Variants in SCN9A observed in about 807,000 individuals in gnomAD.
SCN9A encodes sodium voltage-gated channel alpha subunit 9, also known as sodium channel protein type 9 subunit alpha.
Under a neutral mutation model 187.0 loss-of-function variants are expected in SCN9A, and 131 were observed. The ratio of observed to expected loss-of-function variants is 0.70; its 90% confidence interval spans 0.61 to 0.81. SCN9A has a LOEUF of 0.81. Among genes scored for constraint, SCN9A ranks in the 30% least tolerant of loss-of-function variants. The pLI, the probability that SCN9A is intolerant of heterozygous loss-of-function variation, is 0.00. For missense variants in SCN9A, 2,252 were observed against 2,396.6 expected (o/e 0.94, Z 1.26); for synonymous variants, 809 against 808.6 (o/e 1.00, Z -0.01).
At position 166,340,584 on chromosome 2, in the gene SCN9A, TTC is replaced by T. The variant is rs1491232895; in HGVS notation, c.-50-28780_-50-28779del. Among the ~76,000 whole-genome samples the T allele has an allele frequency of 5.8e-3, 547 of 94,132 alleles. 17 individuals carry two copies. The highest frequency in any genetic ancestry group is 0.03 in the African/African-American group (482 of 16,010). 61.8% of individuals were successfully genotyped at this position (94,132 alleles called of 152,430 possible). ...TTTCTTTCTTTCTTTCTTTCTTTCT[TTC>T]TTTCTTTCTTTCTTTCTTTTTCTTT... On this transcript the variant is annotated intron_variant, in intron 1 of 26. Coordinates refer to ENST00000642356, the MANE Select transcript of SCN9A (RefSeq NM_001365536.1).
intron 2 of SCN9A, among the ~76,000 whole-genome samples, 191 bp downstream of exon 2, chr2:166,311,308 A>G (rs7589743): frequency 0.61 from 57,794 of 94,568 alleles, 19,195 homozygotes; most frequent in African/African-American, 0.74. Context: ...AAAAATTTGA[A>G]AAAGTACAGA....
At chr2:166,275,841 A>G (rs1697212595) in intron 16 of SCN9A, among the ~76,000 whole-genome samples, 1 of 152,192 alleles carries the variant, frequency 6.6e-6, no homozygotes, top group Admixed American at 6.5e-5. Flanking sequence ...TGTCTGGCAC[A>G]GTATCATTTA....
Position 166,199,423 on chromosome 2 carries a change from T to A in SCN9A, c.5216A>T (p.Tyr1739Phe), listed in dbSNP as rs1289136487. The change falls in exon 27 of 27, where the codon TAC (tyrosine) becomes TTC (phenylalanine). Residue 1739 changes from tyrosine (Y) to phenylalanine (F), a missense_variant. Coordinates refer to ENST00000642356, the MANE Select transcript of SCN9A (RefSeq NM_001365536.1). ...DCGNPSVGIF[Y>F]FVSYIIISFL... ...GGATATGATGATATAACTAACAAAG[T>A]AGAATATTCCAACAGATGGGTTACC... The A allele has an allele frequency of 6.2e-7, 1 of 1,614,020 alleles. No homozygotes were observed. Among genetic ancestry groups the A allele is most frequent in the African/African-American group, 1.3e-5 (1 of 74,904 alleles).
intron 16 of SCN9A, among the ~76,000 whole-genome samples, chr2:166,276,144 T>G (rs1308377506): frequency 6.6e-6 from 1 of 150,834 alleles, no homozygotes; most frequent in Non-Finnish European, 1.5e-5. Flanking sequence ...TTTTCACTAA[T>G]CAGTATAAGG....
chr2:166,265,001 A>T (rs966385538), intron 17 of SCN9A, among the ~76,000 whole-genome samples: 1 of 152,006 alleles, frequency 6.6e-6, no homozygotes, highest in Non-Finnish European at 1.5e-5. Context: ...TGTATACATT[A>T]TATAATTATC....
At position 166,196,369 on chromosome 2, in the gene SCN9A, A is replaced by C. The variant is rs200833242; in HGVS notation, c.*2303T>G. ...CTTAACCATGTTATTTTAAAAAAAAACATAGTTCATGAAATAGGAAAAAGA... is the reference window on the plus strand; with the variant it reads ...CTTAACCATGTTATTTTAAAAAAAACCATAGTTCATGAAATAGGAAAAAGA... On this transcript the variant is annotated 3_prime_UTR_variant, in exon 27 of 27. Coordinates refer to ENST00000642356, the MANE Select transcript of SCN9A (RefSeq NM_001365536.1). The C allele has an allele frequency of 6.6e-5, 10 of 152,304 alleles. No homozygotes were observed. The South Asian group carries it at 2.1e-3, about 32-fold the overall frequency. The allele number at this position is 152,304 out of a possible 1,614,324, so 9.4% of individuals were successfully genotyped here. A position where few individuals can be genotyped will look rare whatever the true frequency, so the allele number is the denominator to read the frequency against.
At chr2:166,208,809 A>G (rs953661233) in intron 24 of SCN9A, among the ~76,000 whole-genome samples, 3 of 152,220 alleles carry the variant, frequency 2.0e-5, no homozygotes, top group African/African-American at 7.2e-5. Context: ...TGTGGAAAAG[A>G]TATGGGTTTT....
At chr2:166,333,910 A>G (rs1699568807) in intron 1 of SCN9A, among the ~76,000 whole-genome samples, 1 of 152,086 alleles carries the variant, frequency 6.6e-6, no homozygotes, top group South Asian at 2.1e-4. Context: ...GCCTTGGCAT[A>G]CAAGGGATAA....
intron 1 of SCN9A, among the ~76,000 whole-genome samples, chr2:166,354,947 ATTT>A (rs953860333): frequency 1.3e-5 from 2 of 149,084 alleles, no homozygotes; most frequent in African/African-American, 4.9e-5. Context: ...AAAATTACTG[ATTT>A]TTTTTTTTAA....
chr2:166,360,153 G>A (rs1002328486), intron 1 of SCN9A, among the ~76,000 whole-genome samples: 2 of 147,902 alleles, frequency 1.4e-5, no homozygotes, highest in African/African-American at 5.0e-5. Context: ...CCCGGGAGGT[G>A]GATTGTAGTG....
At chr2:166,334,121 G>A (rs1406666406) in intron 1 of SCN9A, among the ~76,000 whole-genome samples, 1 of 152,030 alleles carries the variant, frequency 6.6e-6, no homozygotes, top group Non-Finnish European at 1.5e-5. Flanking sequence ...CTTTTCTTCA[G>A]AATTAAAGTA....
chr2:166,265,684 A>AGT (rs1372460301), intron 17 of SCN9A, among the ~76,000 whole-genome samples: 3 of 152,014 alleles, frequency 2.0e-5, no homozygotes, highest in Non-Finnish European at 2.9e-5. Context: ...TCTCACAATC[A>AGT]GTGTGTAAGG....
intron 16 of SCN9A, among the ~76,000 whole-genome samples, chr2:166,273,675 T>G: frequency 6.6e-6 from 1 of 150,882 alleles, no homozygotes. Flanking sequence ...AAAAAAAAAA[T>G]GTTCACAGAG....
intron 17 of SCN9A, among the ~76,000 whole-genome samples, chr2:166,265,585 T>A (rs971778362): frequency 2.6e-5 from 4 of 151,994 alleles, no homozygotes; most frequent in Non-Finnish European, 5.9e-5. Context: ...TTACTTAGTA[T>A]TGGGACTGCT....
Position 166,195,701 on chromosome 2 carries a change from G to C in SCN9A, c.*2971C>G, listed in dbSNP as rs908767208. 2.6e-5 allele frequency: 4 copies of C among 152,048 alleles called. No individual in the cohort carries two copies. 9.4% of individuals were successfully genotyped at this position (152,048 alleles called of 1,614,324 possible). On this transcript the variant is annotated 3_prime_UTR_variant, in exon 27 of 27. Coordinates refer to ENST00000642356, the MANE Select transcript of SCN9A (RefSeq NM_001365536.1). ...AGTCACCCAAATCTTTTGCAAACTA[G>C]GTAACTATCAAAAAGCTAAAATTAG...
intron 11 of SCN9A, among the ~76,000 whole-genome samples, chr2:166,285,524 C>T (rs1697698024): frequency 6.6e-6 from 1 of 152,160 alleles, no homozygotes; most frequent in Non-Finnish European, 1.5e-5. Context: ...GCTTGGACTG[C>T]TCCTGTCATA....
At chr2:166,353,947 G>A (rs569610503) in intron 1 of SCN9A, among the ~76,000 whole-genome samples, 4 of 152,246 alleles carry the variant, frequency 2.6e-5, no homozygotes, top group Admixed American at 2.6e-4. Context: ...AATGAAGATG[G>A]TGAAATACTT....
Position 166,272,516 on chromosome 2 carries a change from T to C in SCN9A, c.3234A>G (p.Ser1078=), listed in dbSNP as rs1487044205. 1 of 1,613,308 alleles carries C rather than the reference T, an allele frequency of 6.2e-7. No homozygotes were observed. The highest frequency in any genetic ancestry group is 2.2e-5 in the East Asian group (1 of 44,790). ...CTGTGAGGCTGGGATTGTGAATAAA[T>C]GATTGACCATCACTGTCTTCCATCA... is the stretch of plus-strand genomic sequence containing the variant. ...KHLMEDSDGQ[S]FIHNPSLTVT... Residue 1078 remains serine (S), a synonymous_variant, in exon 17 of 27, where the codon TCA becomes TCG. Coordinates refer to ENST00000642356, the MANE Select transcript of SCN9A (RefSeq NM_001365536.1).
At chr2:166,264,249 G>T (rs1175992974) in intron 17 of SCN9A, among the ~76,000 whole-genome samples, 1 of 151,824 alleles carries the variant, frequency 6.6e-6, no homozygotes, top group Admixed American at 6.6e-5. Flanking sequence ...TTCCTTTAAG[G>T]CTTCTAATGA....
Sources: gnomAD v4.1 joint callset for allele counts (sites outside exome capture counted in the v4.1 genomes callset) on GRCh38, gnomAD v4.1.1 for gene constraint, MANE v1.5 for transcripts, NCBI Gene and HGNC (gene_info 2026-07-23, HGNC 2026-07-21) for gene names.